RP1: variants seen among roughly 807,000 people sequenced by gnomAD.
RP1 encodes oxygen-regulated protein 1.
A neutral mutation model predicts 14.8 loss-of-function variants in RP1; 16 were observed. The observed-to-expected ratio is 1.08, with a 90% confidence interval of 0.73 to 1.65. RP1 has a LOEUF of 1.65. RP1 is among the 40% of genes most tolerant of loss of function. The pLI, the probability that RP1 is intolerant of heterozygous loss-of-function variation, is 0.00. For missense variants in RP1, 2,631 were observed against 2,535.0 expected, an observed-to-expected ratio of 1.04 and a Z score of -0.81; for synonymous variants, 876 against 883.6, an observed-to-expected ratio of 0.99 and a Z score of 0.15.
At chr8:54,576,043 CTT>C (rs11443511) in intron 1 of RP1, among the ~76,000 whole-genome samples, 8 of 139,986 alleles carry the variant, frequency 5.7e-5, no homozygotes, top group Non-Finnish European at 6.2e-5. Flanking sequence ...CTGTCAGACT[CTT>C]TTTTTTTTTT....
intron 6 of RP1, among the ~76,000 whole-genome samples, chr8:54,657,207 A>T (rs1235942417): frequency 6.6e-6 from 1 of 152,176 alleles, no homozygotes; most frequent in Non-Finnish European, 1.5e-5. Flanking sequence ...TCATCAGCCC[A>T]CACGTTTCAC....
rs200519828 is a variant in RP1 at position 54,597,386 on chromosome 8, A to ATTG, written c.-12-23567_-12-23566insGTT. Among the ~76,000 whole-genome samples the ATTG allele has an allele frequency of 4.6e-3, 695 of 152,300 alleles. 17 individuals carry two copies. The highest frequency in any genetic ancestry group is 0.037 in the Admixed American group (564 of 15,300). ...ATCAAGACATTTTATTATTATTATT[A>ATTG]TTACAGCATTTTTAGATGAGTACAT... is the stretch of plus-strand genomic sequence containing the variant. On this transcript the variant is annotated intron_variant, in intron 1 of 22. Transcript: ENST00000636932.
chr8:54,766,342 C>T (rs2129372634), intron 22 of RP1, among the ~76,000 whole-genome samples: 1 of 152,050 alleles, frequency 6.6e-6, no homozygotes, highest in African/African-American at 2.4e-5. Flanking sequence ...AGGCAGTGAG[C>T]AATCATTTAA....
intron 23 of RP1, among the ~76,000 whole-genome samples, chr8:54,779,519 G>C (rs1367658927): frequency 6.6e-6 from 1 of 152,070 alleles, no homozygotes; most frequent in African/African-American, 2.4e-5. Context: ...TCAAAAACAG[G>C]GTTAATTTTC....
intron 1 of RP1, among the ~76,000 whole-genome samples, chr8:54,598,924 G>A (rs1805209017): frequency 6.6e-6 from 1 of 152,148 alleles, no homozygotes; most frequent in Non-Finnish European, 1.5e-5. Flanking sequence ...GTTTTCTGAA[G>A]TTTGATGATG....
At chr8:54,605,981 C>T (rs1426470613) in intron 1 of RP1, among the ~76,000 whole-genome samples, 1 of 151,314 alleles carries the variant, frequency 6.6e-6, no homozygotes, top group Non-Finnish European at 1.5e-5. Context: ...ACTGATGGGT[C>T]TTGACTCTTT....
At chr8:54,855,749 C>A (rs1300881706) in intron 26 of RP1, among the ~76,000 whole-genome samples, 1 of 152,064 alleles carries the variant, frequency 6.6e-6, no homozygotes, top group Non-Finnish European at 1.5e-5. Flanking sequence ...GCCTACCCAG[C>A]CTTATTAATA....
intron 24 of RP1, among the ~76,000 whole-genome samples, chr8:54,826,946 G>A (rs1194821513): frequency 2.6e-5 from 4 of 152,206 alleles, no homozygotes; most frequent in Non-Finnish European, 5.9e-5. Context: ...CCTTGAACCT[G>A]TACTACTAAG....
At chr8:54,585,188 C>A (rs1804891941) in intron 1 of RP1, among the ~76,000 whole-genome samples, 3 of 152,280 alleles carry the variant, frequency 2.0e-5, no homozygotes, top group East Asian at 1.9e-4. Context: ...TTAGGGCAGG[C>A]CTGGTCATGA....
At chr8:54,693,058 C>T (rs1807755685) in intron 12 of RP1, among the ~76,000 whole-genome samples, 1 of 152,098 alleles carries the variant, frequency 6.6e-6, no homozygotes, top group African/African-American at 2.4e-5. Flanking sequence ...TTCCAAGCAC[C>T]ATTTATTAAA....
chr8:54,627,957 A>G lies in RP1; in HGVS notation c.4075A>G (p.Thr1359Ala), dbSNP rs917452856. The G allele has an allele frequency of 1.2e-6, 2 of 1,614,106 alleles. No individual in the cohort carries two copies. Among genetic ancestry groups the G allele is most frequent in the Non-Finnish European group, 8.5e-7 (1 of 1,179,968 alleles). ...ENTYTDNLDS[T>A]EELERGDDIQ... The stretch of plus-strand genomic sequence containing the variant: ...CACATATACTGATAACTTGGATTCA[A>G]CTGAAGAGTTAGAAAGAGGTGATGA... The change falls in exon 4 of 4, where the codon ACT becomes GCT. Residue 1359 changes from threonine to alanine, a missense_variant. Physicochemically the swap from Thr to Ala is moderately conservative, Grantham distance 58. Transcript: ENST00000220676.
At chr8:54,830,635 CCA>C (rs1811497262) in intron 24 of RP1, among the ~76,000 whole-genome samples, 1 of 152,064 alleles carries the variant, frequency 6.6e-6, no homozygotes, top group Admixed American at 6.6e-5. Flanking sequence ...CTTTTTAAAT[CCA>C]GTCTGATAAT....
In RP1 at chr8:54,621,331, G is replaced by A. The variant is rs747854154; in HGVS notation, c.365G>A (p.Arg122Gln). The A allele has an allele frequency of 6.2e-7, 1 of 1,611,842 alleles. No individual in the cohort carries two copies. The highest frequency in any genetic ancestry group is 8.5e-7 in the Non-Finnish European group (1 of 1,178,952). ...CCTGTAGACCTGGACAAAGCCCGTC[G>A]GCGCCCGCGGCCCTGGCTCAGCAGC... Reference protein sequence around the residue: ...VQPVDLDKARRRPRPWLSSRA... With the variant: ...VQPVDLDKARQRPRPWLSSRA... Residue 122 changes from arginine (R) to glutamine (Q), a missense_variant, in exon 2 of 4, where the codon CGG becomes CAG. Transcript: ENST00000220676.
chr8:54,811,417 C>T (rs1408206747), intron 24 of RP1, among the ~76,000 whole-genome samples: 1 of 152,174 alleles, frequency 6.6e-6, no homozygotes, highest in Non-Finnish European at 1.5e-5. Context: ...TATTATTGCT[C>T]AAATCAGTCT....
At chr8:54,731,837 T>C (rs1226734963) in intron 17 of RP1, among the ~76,000 whole-genome samples, 1 of 151,966 alleles carries the variant, frequency 6.6e-6, no homozygotes, top group Non-Finnish European at 1.5e-5. Flanking sequence ...CATTTCAGAG[T>C]TTGTTTCTTT....
chr8:54,726,511 T>C, intron 17 of RP1: 2 of 1,507,664 alleles, frequency 1.3e-6, no homozygotes, highest in Non-Finnish European at 1.8e-6. Flanking sequence ...ACTTTTGGTT[T>C]GTTTGCTGCA....
At chr8:54,586,605 C>T (rs1334508097) in intron 1 of RP1, among the ~76,000 whole-genome samples, 3 of 152,236 alleles carry the variant, frequency 2.0e-5, no homozygotes, top group South Asian at 2.1e-4. Flanking sequence ...GTGGAGTCTA[C>T]AGAGGCAGGC....
At chr8:54,754,300 A>C (rs141697158) in intron 19 of RP1, among the ~76,000 whole-genome samples, 66 of 151,762 alleles carry the variant, frequency 4.3e-4, no homozygotes, top group African/African-American at 1.5e-3. Context: ...TTTGGTGACT[A>C]ATATGAACGC....
Position 54,626,457 on chromosome 8 carries a change from G to T in RP1, c.2575G>T (p.Val859Phe). Residue 859 changes from valine (V) to phenylalanine (F), a missense_variant, in exon 4 of 4, where the codon GTT becomes TTT. By Grantham distance (50) the Val-to-Phe change is conservative. Coordinates refer to ENST00000220676, the MANE Select transcript of RP1 (RefSeq NM_006269.2). ...GMAKKSLVSK[V>F]TDSHITLKSQ... ...GGCAAAGAAGAGTTTAGTTTCAAAA[G>T]TTACTGATTCACACATAACTTTAAA... The T allele has an allele frequency of 6.2e-7, 1 of 1,613,728 alleles. No individual in the cohort carries two copies. Among genetic ancestry groups the T allele is most frequent in the Non-Finnish European group, 8.5e-7 (1 of 1,179,900 alleles).
Sources: allele counts gnomAD v4.1 joint callset (sites outside exome capture counted in the v4.1 genomes callset), GRCh38; gene constraint gnomAD v4.1.1; transcripts MANE v1.5; gene names NCBI Gene and HGNC (gene_info 2026-07-23, HGNC 2026-07-21).